Variants in NOL9 observed in about 807,000 individuals in gnomAD.
NOL9 encodes the protein nucleolar protein 9.
In NOL9, 28 loss-of-function variants were observed where a neutral mutation model predicts 67.9. The observed-to-expected ratio is 0.41, with a 90% CI of 0.31 to 0.57. NOL9 has a LOEUF of 0.57. Among genes scored for constraint, NOL9 ranks in the 20% least tolerant of loss-of-function variants. The probability of loss-of-function intolerance (pLI) is 0.25; values close to 1 mark genes in which losing one functional copy is unlikely to be tolerated. For synonymous variants in NOL9, 356 were observed against 352.2 expected (o/e 1.01, Z -0.12); for missense variants, 777 against 897.0 (o/e 0.87, Z 1.71).
intron 9 of NOL9, among the ~76,000 whole-genome samples, chr1:6,531,353 A>G (rs1470844983): frequency 6.6e-6 from 1 of 152,070 alleles, no homozygotes; most frequent in African/African-American, 2.4e-5. Flanking sequence ...AGCTGGGACT[A>G]TAGGCACGTG....
chr1:6,529,228 T>G lies in NOL9; in HGVS notation c.1648-57A>C, dbSNP rs1638963205. 17 of 1,462,722 alleles carry G rather than the reference T, an allele frequency of 1.2e-5. No homozygotes were observed. The African/African-American group carries it at 2.4e-4, about 20-fold the overall frequency. 90.6% of individuals were successfully genotyped at this position (1,462,722 alleles called of 1,614,324 possible). On this transcript the variant is annotated intron_variant, in intron 9 of 11. Transcript: ENST00000377705. ...ATGGCTACTTTGAAAGACCACTTAATTTCTACAACTAGATTAACCAGCTAT... is the reference window on the plus strand; with the variant it reads ...ATGGCTACTTTGAAAGACCACTTAAGTTCTACAACTAGATTAACCAGCTAT...
At chr1:6,548,014 C>T in intron 3 of NOL9, 1 of 291,272 alleles carries the variant, frequency 3.4e-6, no homozygotes, top group South Asian at 3.6e-5. Flanking sequence ...CAAAACTAGG[C>T]TGTCCCGAAC....
At chr1:6,541,788 A>C in intron 6 of NOL9, 42 bp downstream of exon 6, 4 of 1,270,046 alleles carry the variant, frequency 3.1e-6, no homozygotes, top group Non-Finnish European at 4.4e-6. Context: ...TCACATATGA[A>C]TTTCATAAAA....
At chr1:6,541,302 C>A (rs1336233489) in intron 6 of NOL9, among the ~76,000 whole-genome samples, 1 of 152,132 alleles carries the variant, frequency 6.6e-6, no homozygotes, top group Non-Finnish European at 1.5e-5. Flanking sequence ...CTGCTTCAGC[C>A]TCCCGAGGAG....
At chr1:6,533,553 G>T in intron 6 of NOL9, 112 bp from the exon 7 acceptor site, 1 of 749,034 alleles carries the variant, frequency 1.3e-6, no homozygotes, top group Non-Finnish European at 2.0e-6. Flanking sequence ...AGAACCTTAG[G>T]AAATCTGAGA....
chr1:6,526,018 C>T lies in NOL9; in HGVS notation c.1960-15G>A, dbSNP rs753535856. The T allele has an allele frequency of 1.2e-6, 2 of 1,611,974 alleles. No individual in the cohort carries two copies. Among genetic ancestry groups the T allele is most frequent in the Non-Finnish European group, 1.7e-6 (2 of 1,178,226 alleles). On this transcript the variant is annotated splice_polypyrimidine_tract_variant and intron_variant, in intron 11 of 11. Transcript: ENST00000377705. ...TCGATCCCACGCTGAAACGGAAACA[C>T]AGAGAATGCATGGAAACACTCCAGG... is the stretch of plus-strand genomic sequence containing the variant.
intron 6 of NOL9, among the ~76,000 whole-genome samples, chr1:6,534,609 G>A (rs541169377): frequency 8.6e-4 from 131 of 152,296 alleles, no homozygotes; most frequent in South Asian, 6.4e-3. Context: ...AGAGGGAGTG[G>A]CCTGTATAGT....
At position 6,525,837 on chromosome 1, in the gene NOL9, T is replaced by C; in HGVS notation, c.*17A>G. 1.2e-6 allele frequency: 2 copies of C among 1,613,430 alleles called. No homozygotes were observed. Among genetic ancestry groups the C allele is most frequent in the African/African-American group, 1.3e-5 (1 of 74,930 alleles). The stretch of plus-strand genomic sequence containing the variant: ...TTTCTGGTAGGAAAGTTTCTTCCCT[T>C]ATTAAAAACGCGAGCATCACTTCAT... On this transcript the variant is annotated 3_prime_UTR_variant, in exon 12 of 12. Transcript: ENST00000377705.
intron 8 of NOL9, 43 bp from the exon 9 acceptor site, chr1:6,532,122 C>T: frequency 1.4e-6 from 2 of 1,398,414 alleles, no homozygotes; most frequent in Non-Finnish European, 2.0e-6. Flanking sequence ...ATTTAACCCT[C>T]AACGGCCACC....
At chr1:6,552,325 C>A (rs1385612144) in intron 1 of NOL9, among the ~76,000 whole-genome samples, 1 of 145,124 alleles carries the variant, frequency 6.9e-6, no homozygotes, top group African/African-American at 2.6e-5. Flanking sequence ...CACACCCGGC[C>A]GATATTTGAT....
intron 1 of NOL9, among the ~76,000 whole-genome samples, chr1:6,551,907 C>T (rs1055664730): frequency 1.3e-5 from 2 of 152,128 alleles, no homozygotes; most frequent in African/African-American, 4.8e-5. Context: ...TGGTGGCGGG[C>T]ACCTGTAGTC....
chr1:6,547,856 T>C (rs781336278), intron 3 of NOL9: 2 of 159,214 alleles, frequency 1.3e-5, no homozygotes, highest in African/African-American at 4.8e-5. Context: ...ATCTCAAAAA[T>C]AAAAATAAAA....
intron 10 of NOL9, among the ~76,000 whole-genome samples, chr1:6,527,624 C>T (rs1242914009): frequency 2.1e-5 from 1 of 46,716 alleles, no homozygotes; most frequent in African/African-American, 4.5e-5. Flanking sequence ...GTCTCAAAAA[C>T]AAAACAAAAC....
intron 6 of NOL9, chr1:6,540,744 C>T (rs12027598): frequency 0.11 from 16,961 of 151,714 alleles, 988 homozygotes; most frequent in East Asian, 0.16. Context: ...GAGAATAGCT[C>T]GAACTCAGGA....
chr1:6,523,903 T>C lies in NOL9; in HGVS notation c.*1951A>G, dbSNP rs1638823236. The C allele has an allele frequency of 6.6e-6, 1 of 152,256 alleles. No homozygotes were observed. Among genetic ancestry groups the C allele is most frequent in the East Asian group, 1.9e-4 (1 of 5,192 alleles). The allele number at this position is 152,256 out of a possible 1,614,324, so 9.4% of individuals were successfully genotyped here. On this transcript the variant is annotated 3_prime_UTR_variant, in exon 12 of 12. Transcript: ENST00000377705. ...AGCCTGAAGGCAAACCTAGATTGAA[T>C]GCAAATGCAATTACAGGGCACCAGT...
rs778900110 is a variant in NOL9 at position 6,529,061 on chromosome 1, G to A, written c.1758C>T (p.Asp586=). 11 of 1,614,104 alleles carry A rather than the reference G, an allele frequency of 6.8e-6. No homozygotes were observed. The highest frequency in any genetic ancestry group is 3.3e-5 in the Admixed American group (2 of 59,990). ...SWVGLCKIQD[D]VRGYTNGPIL... is the part of the protein sequence containing the mutation. ...TGGGCCCATTCGTGTATCCTCTGAC[G>A]TCATCCTGGATCTTGCAAAGACCAA... is the stretch of plus-strand genomic sequence containing the variant. Residue 586 remains aspartate, a synonymous_variant, in exon 10 of 12, where the codon GAC becomes GAT. Coordinates refer to ENST00000377705, the MANE Select transcript of NOL9 (RefSeq NM_024654.5).
chr1:6,547,331 C>T (rs1015739386), intron 3 of NOL9, among the ~76,000 whole-genome samples: 4 of 152,064 alleles, frequency 2.6e-5, no homozygotes, highest in African/African-American at 7.2e-5. Flanking sequence ...GAAACCCACT[C>T]CTCCTGCAGT....
chr1:6,530,437 A>C (rs569149708), intron 9 of NOL9, among the ~76,000 whole-genome samples: 1 of 152,212 alleles, frequency 6.6e-6, no homozygotes, highest in African/African-American at 2.4e-5. Context: ...ATGGGCAACA[A>C]GAGTGAAATT....
At chr1:6,544,703 G>C in intron 5 of NOL9, 123 bp downstream of exon 5, 1 of 932,160 alleles carries the variant, frequency 1.1e-6, no homozygotes, top group African/African-American at 1.7e-5. Context: ...GCTTCAGCTG[G>C]GCAGCTTTAG....
Sources: gnomAD v4.1 joint callset for allele counts (sites outside exome capture counted in the v4.1 genomes callset) on GRCh38, gnomAD v4.1.1 for gene constraint, MANE v1.5 for transcripts, NCBI Gene and HGNC (gene_info 2026-07-23, HGNC 2026-07-21) for gene names.